The following GNA14 variants were observed in gnomAD, a reference collection of about 807,000 sequenced individuals.
GNA14 encodes the protein G protein subunit alpha 14.
In GNA14, 50 loss-of-function variants were observed where a neutral mutation model predicts 42.0. The ratio of observed to expected loss-of-function variants is 1.19; its 90% confidence interval spans 0.95 to 1.51. GNA14 has a LOEUF of 1.51. Ranked by LOEUF, GNA14 falls within the 40% of genes most tolerant of loss-of-function variation. The pLI is 0.00. For missense variants in GNA14, 473 were observed against 446.2 expected, an observed-to-expected ratio of 1.06 and a Z score of -0.54; for synonymous variants, 173 against 163.1, an observed-to-expected ratio of 1.06 and a Z score of -0.46.
intron 1 of GNA14, among the ~76,000 whole-genome samples, chr9:77,578,964 C>G (rs755872237): frequency 2.6e-5 from 4 of 152,142 alleles, no homozygotes; most frequent in African/African-American, 9.7e-5. Context: ...GCCCTTATCT[C>G]GGACTATAAG....
intron 2 of GNA14, among the ~76,000 whole-genome samples, chr9:77,527,461 T>C (rs1587818154): frequency 6.6e-6 from 1 of 152,174 alleles, no homozygotes; most frequent in South Asian, 2.1e-4. Flanking sequence ...TGCAAATTCA[T>C]AAGCTTTCTT....
chr9:77,617,771 C>A (rs1451525742), intron 1 of GNA14, among the ~76,000 whole-genome samples: 3 of 152,080 alleles, frequency 2.0e-5, no homozygotes, highest in African/African-American at 4.8e-5. Flanking sequence ...CCACCAAGCC[C>A]ATTTCCACCT....
At chr9:77,502,362 AATATT>A (rs1380094936) in intron 2 of GNA14, among the ~76,000 whole-genome samples, 6 of 152,004 alleles carry the variant, frequency 3.9e-5, no homozygotes, top group Non-Finnish European at 8.8e-5. Flanking sequence ...AGACATTTTG[AATATT>A]ATGAGACTGA....
At position 77,634,294 on chromosome 9, in the gene GNA14, T is replaced by A. The variant is rs538576095; in HGVS notation, c.124+13376A>T. Among the ~76,000 whole-genome samples, 10 of 151,940 alleles carry A rather than the reference T, an allele frequency of 6.6e-5. No individual in the cohort carries two copies. The South Asian group carries it at 2.1e-3, about 32-fold the overall frequency. Reference sequence around the variant, plus strand: ...AATAAGCTGGGCATACTGATGCACCTGCAGTCCCAGCTACTCAGGAGGCTG... The same window carrying A: ...AATAAGCTGGGCATACTGATGCACCAGCAGTCCCAGCTACTCAGGAGGCTG... On this transcript the variant is annotated intron_variant, in intron 1 of 6. Transcript: ENST00000341700.
Position 77,618,612 on chromosome 9 carries a change from A to AT in GNA14, c.124+29057dup, listed in dbSNP as rs1564067839. 1.6e-3 allele frequency among the ~76,000 whole-genome samples: 21 copies of AT among 13,482 alleles called. 2 individuals carry two copies. The highest frequency in any genetic ancestry group is 2.5e-3 in the Non-Finnish European group (19 of 7,626). 8.8% of individuals were successfully genotyped at this position (13,482 alleles called of 152,430 possible). ...TATATATATATATATATATATATATATATATATATTTTTTTTTTTTTTTTT... is the reference window on the plus strand; with the variant it reads ...TATATATATATATATATATATATATATTATATATATTTTTTTTTTTTTTTTT... On this transcript the variant is annotated intron_variant, in intron 1 of 6. Transcript: ENST00000341700.
chr9:77,537,623 G>A (rs1338455906), intron 1 of GNA14, among the ~76,000 whole-genome samples: 4 of 152,144 alleles, frequency 2.6e-5, no homozygotes, highest in African/African-American at 9.7e-5. Flanking sequence ...GGATTGTATG[G>A]TAATCTATTT....
At chr9:77,484,323 C>A (rs11145435) in intron 2 of GNA14, among the ~76,000 whole-genome samples, 84,744 of 152,024 alleles carry the variant, frequency 0.56, 24,096 homozygotes, top group East Asian at 0.82. Flanking sequence ...GAATAAACTA[C>A]TAATGGGCAC....
intron 2 of GNA14, among the ~76,000 whole-genome samples, chr9:77,477,364 A>G (rs1477399957): frequency 2.6e-5 from 4 of 152,126 alleles, no homozygotes; most frequent in Non-Finnish European, 5.9e-5. Flanking sequence ...GAAAAGGAAA[A>G]AAAGAAAGAA....
chr9:77,625,280 C>T (rs1332534771), intron 1 of GNA14, among the ~76,000 whole-genome samples: 2 of 151,932 alleles, frequency 1.3e-5, no homozygotes, highest in African/African-American at 4.8e-5. Flanking sequence ...GATTGGTGTA[C>T]CTAAAAGTGA....
chr9:77,498,133 G>C (rs1314951211), intron 2 of GNA14, among the ~76,000 whole-genome samples: 1 of 152,080 alleles, frequency 6.6e-6, no homozygotes, highest in East Asian at 1.9e-4. Context: ...CAGCACTTTG[G>C]GAAGCCAAGG....
chr9:77,643,880 T>C (rs79308199), intron 1 of GNA14, among the ~76,000 whole-genome samples: 4,740 of 152,214 alleles, frequency 0.031, 145 homozygotes, highest in African/African-American at 0.082. Context: ...AACAGAGTGA[T>C]GATAGCTGAT....
At position 77,431,418 on chromosome 9, in the gene GNA14, G is replaced by C; in HGVS notation, c.496C>G (p.Pro166Ala). 1 of 1,613,636 alleles carries C rather than the reference G, an allele frequency of 6.2e-7. No individual in the cohort carries two copies. Among genetic ancestry groups the C allele is most frequent in the African/African-American group, 1.3e-5 (1 of 75,010 alleles). The change falls in exon 4 of 7, where the codon CCA becomes GCA. Residue 166 changes from proline to alanine, a missense_variant. Coordinates refer to ENST00000341700, the MANE Select transcript of GNA14 (RefSeq NM_004297.4). ...TCTTGTTGGGTAGGCACGAATGATG[G>C]TGTGGCGATGCGGTCAATGTCAGTC... ...YLTDIDRIAT[P>A]SFVPTQQDVL...
intron 2 of GNA14, among the ~76,000 whole-genome samples, chr9:77,528,450 C>T (rs570942484): frequency 2.2e-4 from 34 of 152,128 alleles, no homozygotes; most frequent in African/African-American, 6.5e-4. Flanking sequence ...CTCTCTTTCC[C>T]GCCTCATTAT....
chr9:77,601,579 G>C (rs954119708), intron 1 of GNA14, among the ~76,000 whole-genome samples: 2 of 152,226 alleles, frequency 1.3e-5, no homozygotes, highest in African/African-American at 2.4e-5. Context: ...TCATTTGCAG[G>C]AGTAGGTAGC....
chr9:77,564,801 C>G (rs901841632), intron 1 of GNA14, among the ~76,000 whole-genome samples: 2 of 151,630 alleles, frequency 1.3e-5, no homozygotes, highest in Non-Finnish European at 2.9e-5. Flanking sequence ...CCACTGCACT[C>G]CAGCCTGGGT....
At chr9:77,566,345 G>A (rs1822967650) in intron 1 of GNA14, among the ~76,000 whole-genome samples, 1 of 151,810 alleles carries the variant, frequency 6.6e-6, no homozygotes, top group Admixed American at 6.6e-5. Flanking sequence ...AGTAGAAACA[G>A]GGTCTCGCCA....
intron 2 of GNA14, among the ~76,000 whole-genome samples, chr9:77,523,637 C>T (rs952423902): frequency 3.3e-5 from 5 of 152,128 alleles, no homozygotes; most frequent in Admixed American, 6.6e-5. Flanking sequence ...GTCATGATTG[C>T]CCTTACAATT....
chr9:77,571,082 T>G (rs543933851), intron 1 of GNA14, among the ~76,000 whole-genome samples: 3 of 150,942 alleles, frequency 2.0e-5, no homozygotes, highest in African/African-American at 7.5e-5. Flanking sequence ...TAGAATTGTA[T>G]AGCTACCACA....
At chr9:77,599,785 A>C (rs73462040) in intron 1 of GNA14, among the ~76,000 whole-genome samples, 17 of 152,268 alleles carry the variant, frequency 1.1e-4, no homozygotes, top group Middle Eastern at 3.4e-3. Flanking sequence ...TCCGTTCTCC[A>C]TCACACCAAG....
Sources: gnomAD v4.1 joint callset for allele counts (sites outside exome capture counted in the v4.1 genomes callset) on GRCh38, gnomAD v4.1.1 for gene constraint, MANE v1.5 for transcripts, NCBI Gene and HGNC (gene_info 2026-07-23, HGNC 2026-07-21) for gene names.